Variants in CNTNAP5 observed in about 807,000 individuals in gnomAD.
CNTNAP5 encodes contactin-associated protein-like 5.
In CNTNAP5, 72 loss-of-function variants were observed where a neutral mutation model predicts 150.2. That is an observed-to-expected ratio of 0.48 (90% CI 0.40 to 0.58). CNTNAP5 has a LOEUF of 0.58. Among genes scored for constraint, CNTNAP5 ranks in the 20% least tolerant of loss-of-function variants. The pLI is 0.00. For missense variants in CNTNAP5, 1,636 were observed against 1,626.2 expected (o/e 1.01, Z -0.10); for synonymous variants, 672 against 619.8 (o/e 1.08, Z -1.25).
At chr2:124,231,208 A>G (rs780564388) in intron 2 of CNTNAP5, among the ~76,000 whole-genome samples, 9 of 152,188 alleles carry the variant, frequency 5.9e-5, no homozygotes, top group Non-Finnish European at 1.0e-4. Flanking sequence ...TCTCACCTCT[A>G]TGACTTATTT....
At chr2:124,145,807 AACATT>A (rs1684226958) in intron 1 of CNTNAP5, among the ~76,000 whole-genome samples, 1 of 46,948 alleles carries the variant, frequency 2.1e-5, no homozygotes, top group Non-Finnish European at 3.9e-5. Context: ...AAAAAAAAAA[AACATT>A]AAAAAAAAAA....
chr2:124,812,809 C>G (rs1682265872), intron 19 of CNTNAP5, among the ~76,000 whole-genome samples: 1 of 152,034 alleles, frequency 6.6e-6, no homozygotes, highest in Admixed American at 6.5e-5. Context: ...TGTATAAAAC[C>G]AAGTTGCACC....
At chr2:124,894,033 G>A (rs933662374) in intron 21 of CNTNAP5, among the ~76,000 whole-genome samples, 1 of 151,974 alleles carries the variant, frequency 6.6e-6, no homozygotes, top group Non-Finnish European at 1.5e-5. Flanking sequence ...TTACATATGT[G>A]TTAAAAAATC....
At position 124,914,423 on chromosome 2, in the gene CNTNAP5, A is replaced by G. The variant is rs1001179364; in HGVS notation, c.*135A>G. On this transcript the variant is annotated 3_prime_UTR_variant, in exon 24 of 24. Coordinates refer to ENST00000682447, the MANE Select transcript of CNTNAP5 (RefSeq NM_001367498.1). ...TCTTTTCTGGAACATACTTGCATCC[A>G]CCACAGCATCAATTCCCTTGATCCA... The G allele has an allele frequency of 1.5e-6, 1 of 678,760 alleles. No homozygotes were observed. Among genetic ancestry groups the G allele is most frequent in the Non-Finnish European group, 2.5e-6 (1 of 395,178 alleles). The allele number at this position is 678,760 out of a possible 1,614,324, so 42.0% of individuals were successfully genotyped here.
rs926978255 is a variant in CNTNAP5, at chr2:124,527,297, A to G, written c.1490A>G (p.Asn497Ser). Residue 497 changes from asparagine to serine, a missense_variant, in exon 10 of 24, where the codon AAT becomes AGT. Coordinates refer to ENST00000682447, the MANE Select transcript of CNTNAP5 (RefSeq NM_001367498.1). Reference protein sequence around the residue: ...NSYYFGGCPDNLTDSQCLNPI... With the variant: ...NSYYFGGCPDSLTDSQCLNPI... ...CTCTGTCCCACAGGGTGCCCCGACA[A>G]TCTCACCGATTCCCAATGTTTAAAT... The G allele has an allele frequency of 6.2e-7, 1 of 1,613,426 alleles. No individual in the cohort carries two copies. Among genetic ancestry groups the G allele is most frequent in the Non-Finnish European group, 8.5e-7 (1 of 1,179,628 alleles).
intron 3 of CNTNAP5, among the ~76,000 whole-genome samples, chr2:124,258,263 A>G (rs1687364214): frequency 6.6e-6 from 1 of 152,086 alleles, no homozygotes; most frequent in African/African-American, 2.4e-5. Flanking sequence ...TTCCCAGCCA[A>G]CAGTTTTCAA....
At chr2:124,569,563 A>C (rs1165040391) in intron 11 of CNTNAP5, among the ~76,000 whole-genome samples, 3 of 152,236 alleles carry the variant, frequency 2.0e-5, no homozygotes, top group Admixed American at 1.3e-4. Context: ...CAGATCCAGT[A>C]AGTGATACAA....
At chr2:124,410,899 T>C (rs1389808462) in intron 3 of CNTNAP5, among the ~76,000 whole-genome samples, 1 of 150,462 alleles carries the variant, frequency 6.6e-6, no homozygotes, top group African/African-American at 2.4e-5. Flanking sequence ...CTGAAGGAAA[T>C]AGAGACACAA....
chr2:124,527,304 C>T lies in CNTNAP5; in HGVS notation c.1497C>T (p.Thr499=), dbSNP rs201841459. The T allele has an allele frequency of 3.8e-5, 61 of 1,613,368 alleles. No homozygotes were observed. The highest frequency in any genetic ancestry group is 2.6e-4 in the South Asian group (24 of 91,020). ...CCACAGGGTGCCCCGACAATCTCACCGATTCCCAATGTTTAAATCCCATTA... is the reference window on the plus strand; with the variant it reads ...CCACAGGGTGCCCCGACAATCTCACTGATTCCCAATGTTTAAATCCCATTA... ...YYFGGCPDNL[T]DSQCLNPIKA... Residue 499 remains threonine, a synonymous_variant, in exon 10 of 24, where the codon ACC becomes ACT. Transcript: ENST00000682447.
At chr2:124,433,570 C>T (rs888837580) in intron 4 of CNTNAP5, among the ~76,000 whole-genome samples, 5 of 151,964 alleles carry the variant, frequency 3.3e-5, no homozygotes, top group Non-Finnish European at 7.4e-5. Flanking sequence ...CCCACCCCCT[C>T]CACATAATCA....
rs372356856 is a variant in CNTNAP5 at position 124,847,881 on chromosome 2, G to A, written c.3218-17425G>A. ...AATGTTTACTTTTGTCATAAAAATTGGCTTTATTTTCCATAGAATTTATAA... is the reference window on the plus strand; with the variant it reads ...AATGTTTACTTTTGTCATAAAAATTAGCTTTATTTTCCATAGAATTTATAA... On this transcript the variant is annotated intron_variant, in intron 19 of 23. Coordinates refer to ENST00000682447, the MANE Select transcript of CNTNAP5 (RefSeq NM_001367498.1). Among the ~76,000 whole-genome samples the A allele has an allele frequency of 2.3e-4, 35 of 152,008 alleles. No homozygotes were observed. In the East Asian group the frequency reaches 5.2e-3, roughly 23 times the overall value.
chr2:124,669,819 C>T (rs978401988), intron 13 of CNTNAP5, among the ~76,000 whole-genome samples: 3 of 152,204 alleles, frequency 2.0e-5, no homozygotes, highest in African/African-American at 7.2e-5. Context: ...AACTGGCTAT[C>T]ATTGAAACAG....
Position 124,057,272 on chromosome 2 carries a change from T to A in CNTNAP5, c.82+31540T>A, listed in dbSNP as rs149650056. Among the ~76,000 whole-genome samples the A allele has an allele frequency of 4.2e-3, 570 of 136,912 alleles. 4 individuals are homozygous for A. Among genetic ancestry groups the A allele is most frequent in the African/African-American group, 0.013 (495 of 37,580 alleles). The allele number at this position is 136,912 out of a possible 152,430, so 89.8% of individuals were successfully genotyped here. ...TCCTTGTCCCCTACATCGAATAAAT[T>A]AACAAGTCCATTTTTTTTTTTTTTT... is the stretch of plus-strand genomic sequence containing the variant. On this transcript the variant is annotated intron_variant, in intron 1 of 23. Coordinates refer to ENST00000682447, the MANE Select transcript of CNTNAP5 (RefSeq NM_001367498.1).
chr2:124,648,636 G>A (rs1029389267), intron 13 of CNTNAP5, among the ~76,000 whole-genome samples: 1 of 151,236 alleles, frequency 6.6e-6, no homozygotes, highest in African/African-American at 2.4e-5. Flanking sequence ...CTTTGAAAAG[G>A]AAAAAAAACA....
chr2:124,563,668 A>G (rs541613554), intron 11 of CNTNAP5, among the ~76,000 whole-genome samples: 1 of 152,346 alleles, frequency 6.6e-6, no homozygotes, highest in African/African-American at 2.4e-5. Context: ...TTAGGTGGCT[A>G]TAATAAACAA....
chr2:124,676,078 G>T (rs563988890), intron 13 of CNTNAP5, among the ~76,000 whole-genome samples: 4 of 151,990 alleles, frequency 2.6e-5, no homozygotes, highest in African/African-American at 9.7e-5. Flanking sequence ...ATTCATTTTT[G>T]TGTGTGGCCA....
chr2:124,526,562 T>C (rs1341583877), intron 9 of CNTNAP5, among the ~76,000 whole-genome samples: 4 of 152,212 alleles, frequency 2.6e-5, no homozygotes, highest in Non-Finnish European at 5.9e-5. Flanking sequence ...CAAGGCTCTA[T>C]ACCTGTCTTA....
chr2:124,907,690 C>T (rs1299710004), intron 22 of CNTNAP5, among the ~76,000 whole-genome samples: 1 of 150,510 alleles, frequency 6.6e-6, no homozygotes, highest in Non-Finnish European at 1.5e-5. Context: ...TAAAAGATAG[C>T]TCTAAAATTG....
At chr2:124,399,429 A>G (rs1003116228) in intron 3 of CNTNAP5, among the ~76,000 whole-genome samples, 2 of 152,262 alleles carry the variant, frequency 1.3e-5, no homozygotes, top group Non-Finnish European at 2.9e-5. Context: ...CTCCTCAAAG[A>G]TTCCCATTCA....
Sources: allele counts gnomAD v4.1 joint callset (sites outside exome capture counted in the v4.1 genomes callset), GRCh38; gene constraint gnomAD v4.1.1; transcripts MANE v1.5; gene names NCBI Gene and HGNC (gene_info 2026-07-23, HGNC 2026-07-21).